The following NAT10 variants were observed in gnomAD, a reference collection of about 807,000 sequenced individuals.
The protein encoded by NAT10 is RNA cytidine acetyltransferase.
In NAT10, 109 loss-of-function variants were observed where a neutral mutation model predicts 132.2. The ratio of observed to expected loss-of-function variants is 0.82; its 90% CI spans 0.71 to 0.97. The LOEUF (loss-of-function observed/expected upper bound fraction) is 0.97, where lower values mean the gene tolerates loss of function less well. NAT10 is among the 50% of genes least tolerant of loss of function. The pLI is 0.00. For synonymous variants in NAT10, 479 were observed against 478.0 expected (o/e 1.00, Z -0.03); for missense variants, 1,184 against 1,263.4 (o/e 0.94, Z 0.95).
rs199661193 is a variant in NAT10 at position 34,133,103 on chromosome 11, C to G, written c.1695C>G (p.Pro565=). The change falls in exon 16 of 29, where the codon CCC becomes CCG. Residue 565 remains proline, a synonymous_variant. Transcript: ENST00000257829. The part of the protein sequence containing the change: ...HLFCLLPPVP[P]TQNALPEVLA... Reference sequence around the variant, plus strand: ...TCTGCCTTCTGCCTCCCGTGCCCCCCACCCAGAATGCCCTTCCAGAAGTGC... The same window carrying G: ...TCTGCCTTCTGCCTCCCGTGCCCCCGACCCAGAATGCCCTTCCAGAAGTGC... The G allele has an allele frequency of 4.7e-5, 76 of 1,614,144 alleles. No individual in the cohort carries two copies. In the East Asian group the frequency reaches 1.1e-3, roughly 23 times the overall value.
Position 34,108,331 on chromosome 11 carries a change from C to G in NAT10, c.106C>G (p.Gln36Glu). Residue 36 changes from glutamine (Q) to glutamate (E), a missense_variant and splice_region_variant, in exon 2 of 29, where the codon CAG (glutamine) becomes GAG (glutamate). Coordinates refer to ENST00000257829, the MANE Select transcript of NAT10 (RefSeq NM_024662.3). The part of the protein sequence containing the change: ...FVVVGDRGKD[Q>E]VVILHHMLSK... ...TGTAGTTGGGGATCGAGGAAAAGAT[C>G]AGGTATGGCCTGGTAAATGCTTCCT... 1 of 1,609,822 alleles carries G rather than the reference C, an allele frequency of 6.2e-7. No individual in the cohort carries two copies. The highest frequency in any genetic ancestry group is 8.5e-7 in the Non-Finnish European group (1 of 1,176,164).
At chr11:34,107,234 C>T (rs1179199463) in intron 1 of NAT10, 1 of 152,116 alleles carries the variant, frequency 6.6e-6, no homozygotes. Flanking sequence ...TCTTGAATTC[C>T]TGACCTCAGG....
chr11:34,141,824 C>G lies in NAT10; in HGVS notation c.2811+7C>G. The stretch of plus-strand genomic sequence containing the variant: ...GACCCTCAGTGACGACCTAGTATGT[C>G]CCTGCTCATGGCCTCGGGAGTCCCA... On this transcript the variant is annotated splice_region_variant and intron_variant, in intron 26 of 28. Coordinates refer to ENST00000257829, the MANE Select transcript of NAT10 (RefSeq NM_024662.3). 1 of 1,611,922 alleles carries G rather than the reference C, an allele frequency of 6.2e-7. No individual in the cohort carries two copies. The highest frequency in any genetic ancestry group is 8.5e-7 in the Non-Finnish European group (1 of 1,178,748).
In NAT10 at chr11:34,130,992, A is replaced by C. The variant is rs1197118546; in HGVS notation, c.1369+55A>C. The C allele has an allele frequency of 2.5e-6, 4 of 1,598,350 alleles. 1 individual carries two copies. The East Asian group carries it at 9.0e-5, about 36-fold the overall frequency. On this transcript the variant is annotated intron_variant, in intron 13 of 28. Transcript: ENST00000257829. ...GTTCACAGCAAGGCCCTTCAGTCTT[A>C]CTGATCCTCGCTTCCCCTGTGACAT... is the stretch of plus-strand genomic sequence containing the variant.
chr11:34,121,112 C>G (rs529252336), intron 8 of NAT10, among the ~76,000 whole-genome samples: 23 of 152,278 alleles, frequency 1.5e-4, no homozygotes, highest in Non-Finnish European at 2.8e-4. Context: ...CACACTTACT[C>G]TATAACAGAT....
chr11:34,130,804 T>A lies in NAT10; in HGVS notation c.1245-9T>A, dbSNP rs778001265. 18 of 1,613,786 alleles carry A rather than the reference T, an allele frequency of 1.1e-5. No individual in the cohort carries two copies. Among genetic ancestry groups the A allele is most frequent in the Non-Finnish European group, 1.5e-5 (18 of 1,179,886 alleles). ...CCTTGTGCCTGATTCCTTTTGCCTT[T>A]GTTTCTAGCTATGAGGGCACTGGCC... On this transcript the variant is annotated splice_polypyrimidine_tract_variant and intron_variant, in intron 12 of 28. Coordinates refer to ENST00000257829, the MANE Select transcript of NAT10 (RefSeq NM_024662.3).
chr11:34,118,636 TC>T, intron 8 of NAT10, 133 bp downstream of exon 8: 8 of 641,268 alleles, frequency 1.2e-5, no homozygotes, highest in Non-Finnish European at 2.1e-5. Context: ...TTGCTCATAC[TC>T]GTGTGTGCTC....
At chr11:34,142,739 C>G (rs572093134) in intron 27 of NAT10, among the ~76,000 whole-genome samples, 1 of 152,172 alleles carries the variant, frequency 6.6e-6, no homozygotes, top group East Asian at 1.9e-4. Flanking sequence ...AAGCAAAACA[C>G]CCCTTGCTCT....
chr11:34,130,338 G>A (rs770016364), intron 12 of NAT10, among the ~76,000 whole-genome samples: 4 of 152,152 alleles, frequency 2.6e-5, no homozygotes, highest in Non-Finnish European at 4.4e-5. Flanking sequence ...TTTCCAAACT[G>A]GAAATGTTCT....
chr11:34,118,080 A>C lies in NAT10; in HGVS notation c.558-100A>C, dbSNP rs151299764. ...TTTTAGCTTTTTCTGGCTTTCTTAG[A>C]GACACTTGGGGCCAGTTAATTTTTT... On this transcript the variant is annotated intron_variant, in intron 6 of 28. Transcript: ENST00000257829. The C allele has an allele frequency of 3.3e-4, 307 of 931,798 alleles. 1 individual carries two copies. The African/African-American group carries it at 3.9e-3, about 12-fold the overall frequency. The allele number at this position is 931,798 out of a possible 1,614,324, so 57.7% of individuals were successfully genotyped here.
intron 24 of NAT10, 133 bp from the exon 25 acceptor site, chr11:34,140,956 A>G (rs1852316365): frequency 2.5e-6 from 3 of 1,202,986 alleles, no homozygotes; most frequent in Non-Finnish European, 3.5e-6. Context: ...GAAAGAGAAG[A>G]TGCCAATATA....
At chr11:34,140,710 C>T (rs1188279218) in intron 24 of NAT10, 138 bp downstream of exon 24, 11 of 1,032,188 alleles carry the variant, frequency 1.1e-5, no homozygotes, top group Non-Finnish European at 8.5e-6. Flanking sequence ...GTGGCATCCT[C>T]ATTCTACAGG....
At chr11:34,142,379 T>G in intron 27 of NAT10, 31 bp downstream of exon 27, 1 of 1,604,530 alleles carries the variant, frequency 6.2e-7, no homozygotes, top group Non-Finnish European at 8.5e-7. Flanking sequence ...AGGGTTTGCC[T>G]TGGCTTCTGG....
intron 11 of NAT10, among the ~76,000 whole-genome samples, chr11:34,126,677 A>G (rs1287220030): frequency 6.6e-6 from 1 of 152,222 alleles, no homozygotes; most frequent in African/African-American, 2.4e-5. Context: ...GTTTTGTGAA[A>G]TGGTATCTCC....
At position 34,123,193 on chromosome 11, in the gene NAT10, C is replaced by G. The variant is rs998271862; in HGVS notation, c.915-569C>G. ...GTGGGCATTTTATAGATGAATCAAC[C>G]TAGGTTTGGGGAGTTCCAGTGATTT... is the stretch of plus-strand genomic sequence containing the variant. On this transcript the variant is annotated intron_variant, in intron 9 of 28. Transcript: ENST00000257829. 3.9e-5 allele frequency among the ~76,000 whole-genome samples: 6 copies of G among 152,160 alleles called. 1 individual carries two copies. In the South Asian group the frequency reaches 8.3e-4, roughly 21 times the overall value.
chr11:34,139,232 G>A lies in NAT10; in HGVS notation c.2253G>A (p.Thr751=), dbSNP rs1187436021. 1.7e-5 allele frequency: 28 copies of A among 1,613,956 alleles called. No homozygotes were observed. Among genetic ancestry groups the A allele is most frequent in the Non-Finnish European group, 2.0e-5 (24 of 1,180,012 alleles). ...TGEHSCIMLK[T]LTDEDEADQG... Reference sequence around the variant, plus strand: ...AGCACTCGTGCATCATGCTGAAGACGCTCACTGATGAGGATGAGGCTGACC... The same window carrying A: ...AGCACTCGTGCATCATGCTGAAGACACTCACTGATGAGGATGAGGCTGACC... The change falls in exon 22 of 29, where the codon ACG becomes ACA. Residue 751 remains threonine, a synonymous_variant. Coordinates refer to ENST00000257829, the MANE Select transcript of NAT10 (RefSeq NM_024662.3).
At chr11:34,140,799 G>A (rs532167719) in intron 24 of NAT10, among the ~76,000 whole-genome samples, 112 of 152,180 alleles carry the variant, frequency 7.4e-4, no homozygotes, top group South Asian at 1.2e-3. Flanking sequence ...ACCCCACTAC[G>A]TTGCCTTGAC....
rs139089872 is a variant in NAT10 at position 34,133,927 on chromosome 11, C to T, written c.1735-392C>T. ...CAGCACTTTGGGAGGCCGAGGCGGGCGGATCACAAGGTCAGAAGATCAAGA... is the reference window on the plus strand; with the variant it reads ...CAGCACTTTGGGAGGCCGAGGCGGGTGGATCACAAGGTCAGAAGATCAAGA... On this transcript the variant is annotated intron_variant, in intron 16 of 28. Transcript: ENST00000257829. Among the ~76,000 whole-genome samples the T allele has an allele frequency of 1.3e-3, 203 of 150,680 alleles. 3 individuals are homozygous for T. The East Asian group carries it at 0.028, about 21-fold the overall frequency.
In NAT10 at chr11:34,112,131, G is replaced by T; in HGVS notation, c.280G>T (p.Glu94Ter). Residue 94 changes from glutamate to a stop codon, truncating the protein, a stop_gained, in exon 4 of 29, where the codon GAA (glutamate) becomes TAA (stop). Coordinates refer to ENST00000257829, the MANE Select transcript of NAT10 (RefSeq NM_024662.3). LOFTEE classifies it high-confidence loss of function. ...GAACATAAAGCAGGACGACCCCTTT[G>T]AACTCTTCATAGCAGCCACAAACAT... is the stretch of plus-strand genomic sequence containing the variant. ...TLNIKQDDPFELFIAATNIRY... is the reference protein window; with the variant it reads ...TLNIKQDDPF The T allele has an allele frequency of 6.2e-7, 1 of 1,614,218 alleles. No homozygotes were observed. Among genetic ancestry groups the T allele is most frequent in the Non-Finnish European group, 8.5e-7 (1 of 1,180,046 alleles).
Sources: gnomAD v4.1 joint callset for allele counts (sites outside exome capture counted in the v4.1 genomes callset) on GRCh38, gnomAD v4.1.1 for gene constraint, MANE v1.5 for transcripts, NCBI Gene and HGNC (gene_info 2026-07-23, HGNC 2026-07-21) for gene names.